MARCHF1: variants seen among roughly 807,000 people sequenced by gnomAD.
MARCHF1 encodes E3 ubiquitin-protein ligase MARCHF1.
In MARCHF1, 40 loss-of-function variants were observed where a neutral mutation model predicts 54.2. That is an observed-to-expected ratio of 0.74 (90% confidence interval 0.57 to 0.96). The LOEUF (loss-of-function observed/expected upper bound fraction) is 0.96. MARCHF1 is among the 40% of genes least tolerant of loss of function. MARCHF1 has a pLI of 0.00. For missense variants in MARCHF1, 586 were observed against 656.5 expected (o/e 0.89, Z 1.17); for synonymous variants, 236 against 236.3 (o/e 1.00, Z 0.01).
intron 5 of MARCHF1, among the ~76,000 whole-genome samples, chr4:163,635,449 G>C (rs1280235712): frequency 2.7e-5 from 4 of 149,512 alleles, no homozygotes; most frequent in African/African-American, 4.9e-5. Context: ...ACTACCATCA[G>C]AGAATACTAC....
At chr4:164,277,201 A>G (rs2111327463) in intron 1 of MARCHF1, among the ~76,000 whole-genome samples, 1 of 152,220 alleles carries the variant, frequency 6.6e-6, no homozygotes, top group East Asian at 1.9e-4. Flanking sequence ...ATTGCAGTCC[A>G]TTATAAGCTG....
At chr4:163,687,975 A>G (rs1744320979) in intron 5 of MARCHF1, among the ~76,000 whole-genome samples, 1 of 152,226 alleles carries the variant, frequency 6.6e-6, no homozygotes, top group Non-Finnish European at 1.5e-5. Context: ...ATCAACAAAG[A>G]CAGCCCAATT....
intron 9 of MARCHF1, among the ~76,000 whole-genome samples, chr4:163,543,288 C>T (rs1738781019): frequency 6.6e-6 from 1 of 151,656 alleles, no homozygotes; most frequent in Non-Finnish European, 1.5e-5. Context: ...TGGATGGTAG[C>T]CATAGGGAAG....
chr4:164,244,047 A>G (rs1732863072), intron 1 of MARCHF1, among the ~76,000 whole-genome samples: 1 of 152,096 alleles, frequency 6.6e-6, no homozygotes, highest in South Asian at 2.1e-4. Context: ...AGACAGATCA[A>G]CGAGACAGAA....
At chr4:163,529,275 T>TATCA (rs1393170683) in intron 9 of MARCHF1, among the ~76,000 whole-genome samples, 1 of 152,074 alleles carries the variant, frequency 6.6e-6, no homozygotes, top group African/African-American at 2.4e-5. Flanking sequence ...TTTTCTCACC[T>TATCA]ATCACTGTCA....
At chr4:163,833,598 C>T (rs973570315) in intron 4 of MARCHF1, among the ~76,000 whole-genome samples, 3 of 152,046 alleles carry the variant, frequency 2.0e-5, no homozygotes, top group African/African-American at 7.2e-5. Flanking sequence ...ATTTATGCAG[C>T]CAAAAAACAC....
At chr4:164,343,586 A>T (rs1253276078) in intron 1 of MARCHF1, among the ~76,000 whole-genome samples, 2 of 152,202 alleles carry the variant, frequency 1.3e-5, no homozygotes, top group African/African-American at 2.4e-5. Context: ...TCTCCTTTTC[A>T]AAAGGAAACA....
At chr4:164,102,881 G>T (rs1290690880) in intron 2 of MARCHF1, among the ~76,000 whole-genome samples, 1 of 87,826 alleles carries the variant, frequency 1.1e-5, no homozygotes, top group South Asian at 3.5e-4. Flanking sequence ...TCTCACGTGC[G>T]GAGACACACG....
At chr4:163,741,029 G>A (rs1222715275) in intron 4 of MARCHF1, among the ~76,000 whole-genome samples, 1 of 152,098 alleles carries the variant, frequency 6.6e-6, no homozygotes, top group Non-Finnish European at 1.5e-5. Context: ...TTGTCTATGT[G>A]GCTCTTTTGT....
intron 1 of MARCHF1, among the ~76,000 whole-genome samples, chr4:164,186,798 T>C (rs1344217265): frequency 6.6e-6 from 1 of 152,220 alleles, no homozygotes; most frequent in Non-Finnish European, 1.5e-5. Flanking sequence ...CTTTGTAATA[T>C]AATGGTTATT....
intron 2 of MARCHF1, among the ~76,000 whole-genome samples, chr4:164,010,523 T>C (rs1753399190): frequency 6.6e-6 from 1 of 152,070 alleles, no homozygotes; most frequent in South Asian, 2.1e-4. Flanking sequence ...CCCATTTATA[T>C]TACCTACAGA....
At chr4:164,046,468 T>G (rs1221227298) in intron 2 of MARCHF1, among the ~76,000 whole-genome samples, 1 of 152,240 alleles carries the variant, frequency 6.6e-6, no homozygotes. Context: ...ACCATTATTT[T>G]ATAGTATCAT....
chr4:163,832,757 A>T (rs1300255902), intron 4 of MARCHF1, among the ~76,000 whole-genome samples: 1 of 111,356 alleles, frequency 9.0e-6, no homozygotes, highest in African/African-American at 3.4e-5. Flanking sequence ...ACCCCACAAC[A>T]GTCTCCAGTG....
At chr4:163,920,689 G>A (rs1751411239) in intron 3 of MARCHF1, among the ~76,000 whole-genome samples, 1 of 152,140 alleles carries the variant, frequency 6.6e-6, no homozygotes, top group South Asian at 2.1e-4. Context: ...CCACAGGATG[G>A]ACTGACAGAG....
chr4:163,834,910 C>T (rs910858080), intron 4 of MARCHF1, among the ~76,000 whole-genome samples: 1 of 151,772 alleles, frequency 6.6e-6, no homozygotes, highest in South Asian at 2.1e-4. Context: ...GAGATGGGGT[C>T]TTGTTCTGTT....
chr4:163,807,098 C>G (rs1426627916), intron 4 of MARCHF1, among the ~76,000 whole-genome samples: 42 of 152,202 alleles, frequency 2.8e-4, no homozygotes, highest in Non-Finnish European at 4.4e-5. Context: ...CAAAACACAG[C>G]ACAATATTTG....
At chr4:164,346,343 G>A (rs1730095714) in intron 1 of MARCHF1, among the ~76,000 whole-genome samples, 1 of 152,056 alleles carries the variant, frequency 6.6e-6, no homozygotes, top group Non-Finnish European at 1.5e-5. Flanking sequence ...TAGAACCACT[G>A]ACATGGTAAA....
chr4:164,253,857 A>C (rs1009105322), intron 1 of MARCHF1, among the ~76,000 whole-genome samples: 5 of 152,202 alleles, frequency 3.3e-5, no homozygotes, highest in Non-Finnish European at 1.5e-5. Context: ...AAAATGAAAC[A>C]AATTACAGAA....
rs774603753 is a variant in MARCHF1, at chr4:163,828,054, C to CACACAGAGAG, written c.111+25966_111+25967insCTCTCTGTGT. On this transcript the variant is annotated intron_variant, in intron 4 of 9. Transcript: ENST00000514618. ...ACACACACACACACACACACACACA[C>CACACAGAGAG]AGACACACCTTGTCATTCTCCTCCT... 8.6e-3 allele frequency among the ~76,000 whole-genome samples: 1,274 copies of CACACAGAGAG among 148,262 alleles called. 13 individuals are homozygous for CACACAGAGAG. The highest frequency in any genetic ancestry group is 0.027 in the Middle Eastern group (8 of 294).
Sources: allele counts gnomAD v4.1 joint callset (sites outside exome capture counted in the v4.1 genomes callset), GRCh38; gene constraint gnomAD v4.1.1; transcripts MANE v1.5; gene names NCBI Gene and HGNC (gene_info 2026-07-23, HGNC 2026-07-21).